The following AFF3 variants were observed in gnomAD, a reference collection of about 807,000 sequenced individuals.
AFF3 encodes ALF transcription elongation factor 3.
AFF3 carries 32 observed loss-of-function variants against 129.7 expected under a neutral mutation model. That is an observed-to-expected ratio of 0.25 (90% CI 0.19 to 0.33). The LOEUF (loss-of-function observed/expected upper bound fraction) is 0.33, where lower values mean the gene tolerates loss of function less well. Ranked by LOEUF, AFF3 falls within the 10% of genes least tolerant of loss-of-function variation. The probability of loss-of-function intolerance (pLI) is 1.00; values close to 1 mark genes in which losing one functional copy is unlikely to be tolerated. For missense variants in AFF3, 1,373 were observed against 1,592.0 expected (o/e 0.86, Z 2.34); for synonymous variants, 644 against 635.4 (o/e 1.01, Z -0.20).
intron 2 of AFF3, among the ~76,000 whole-genome samples, chr2:100,108,095 C>T (rs1048657972): frequency 1.3e-5 from 2 of 152,224 alleles, no homozygotes; most frequent in African/African-American, 4.8e-5. Flanking sequence ...AAGGACACTA[C>T]TCTCTCCTGT....
intron 7 of AFF3, among the ~76,000 whole-genome samples, chr2:99,861,903 T>A (rs1334262710): frequency 1.3e-5 from 2 of 152,184 alleles, no homozygotes; most frequent in Admixed American, 6.5e-5. Context: ...TAAAGAAACT[T>A]TGCAAGTTGC....
chr2:99,986,793 G>A (rs1471742766), intron 7 of AFF3, among the ~76,000 whole-genome samples: 1 of 152,148 alleles, frequency 6.6e-6, no homozygotes, highest in Non-Finnish European at 1.5e-5. Flanking sequence ...CATTTCAGTA[G>A]GGTTGACTGG....
chr2:99,670,027 G>A (rs1455018754), intron 12 of AFF3, among the ~76,000 whole-genome samples: 3 of 152,164 alleles, frequency 2.0e-5, no homozygotes, highest in Admixed American at 6.5e-5. Flanking sequence ...TGGCAGCTTG[G>A]GGATCTAGCA....
At chr2:100,005,752 T>C (rs1681915204) in intron 7 of AFF3, among the ~76,000 whole-genome samples, 1 of 152,168 alleles carries the variant, frequency 6.6e-6, no homozygotes, top group Non-Finnish European at 1.5e-5. Context: ...TGGTGATCTC[T>C]GAGATGATAG....
At chr2:99,981,604 C>T (rs1037932715) in intron 7 of AFF3, among the ~76,000 whole-genome samples, 2 of 151,988 alleles carry the variant, frequency 1.3e-5, no homozygotes, top group African/African-American at 4.8e-5. Flanking sequence ...ATTTGCATGT[C>T]TTCATATTCA....
chr2:99,917,634 T>C (rs545333637), intron 7 of AFF3, among the ~76,000 whole-genome samples: 2 of 152,298 alleles, frequency 1.3e-5, no homozygotes, highest in Non-Finnish European at 2.9e-5. Context: ...GATGATGTAA[T>C]AGATTACTGA....
At chr2:99,977,112 T>C (rs1049454211) in intron 7 of AFF3, among the ~76,000 whole-genome samples, 2 of 152,220 alleles carry the variant, frequency 1.3e-5, no homozygotes, top group Admixed American at 6.5e-5. Flanking sequence ...AAAAATAGGA[T>C]AGATCCTTAA....
chr2:99,672,063 C>T (rs762960026), intron 12 of AFF3, among the ~76,000 whole-genome samples: 1 of 152,052 alleles, frequency 6.6e-6, no homozygotes, highest in Non-Finnish European at 1.5e-5. Context: ...TTTGCTCCTT[C>T]TCAATGTTAA....
intron 8 of AFF3, among the ~76,000 whole-genome samples, chr2:99,755,930 C>A (rs1682061107): frequency 6.6e-6 from 1 of 152,214 alleles, no homozygotes; most frequent in Admixed American, 6.5e-5. Context: ...AAATCTGGAT[C>A]AAGCCCTCAT....
At chr2:99,646,663 C>T (rs912291211) in intron 13 of AFF3, among the ~76,000 whole-genome samples, 2 of 152,170 alleles carry the variant, frequency 1.3e-5, no homozygotes, top group African/African-American at 4.8e-5. Context: ...CCCTGAGGTT[C>T]CTCTGGCAGC....
intron 9 of AFF3, among the ~76,000 whole-genome samples, chr2:99,745,646 T>A (rs753338745): frequency 6.6e-6 from 1 of 152,302 alleles, no homozygotes; most frequent in Non-Finnish European, 1.5e-5. Context: ...ATCCCACCAG[T>A]AACACTCTAT....
intron 1 of AFF3, among the ~76,000 whole-genome samples, chr2:100,134,745 T>C (rs1692562282): frequency 6.6e-6 from 1 of 152,246 alleles, no homozygotes; most frequent in African/African-American, 2.4e-5. Flanking sequence ...TATCATTTAC[T>C]GAAAAGTTAT....
At chr2:99,663,344 A>C (rs1686407128) in intron 12 of AFF3, among the ~76,000 whole-genome samples, 1 of 152,258 alleles carries the variant, frequency 6.6e-6, no homozygotes, top group Non-Finnish European at 1.5e-5. Flanking sequence ...AAACAGCAAT[A>C]AGAACTGCAA....
At chr2:99,941,658 C>T (rs1440385234) in intron 7 of AFF3, among the ~76,000 whole-genome samples, 4 of 152,206 alleles carry the variant, frequency 2.6e-5, no homozygotes, top group African/African-American at 9.6e-5. Context: ...GGGCTTCTTA[C>T]AAAGCTTCCT....
At chr2:99,981,623 C>T (rs1489312688) in intron 7 of AFF3, among the ~76,000 whole-genome samples, 1 of 152,146 alleles carries the variant, frequency 6.6e-6, no homozygotes, top group African/African-American at 2.4e-5. Context: ...CATTTTCCTA[C>T]ATGTTTTTGA....
At chr2:99,761,829 CA>C (rs565348463) in intron 8 of AFF3, among the ~76,000 whole-genome samples, 45 of 152,286 alleles carry the variant, frequency 3.0e-4, no homozygotes, top group African/African-American at 9.9e-4. Flanking sequence ...ACCTTTGTTC[CA>C]AAGTTTCCAG....
chr2:99,679,492 C>T (rs1452657135), intron 11 of AFF3, among the ~76,000 whole-genome samples: 1 of 152,126 alleles, frequency 6.6e-6, no homozygotes, highest in African/African-American at 2.4e-5. Flanking sequence ...AAAAGCCAGT[C>T]TCATTTGGGA....
Position 99,700,165 on chromosome 2 carries a change from G to C in AFF3, c.1091+26912C>G, listed in dbSNP as rs181419906. 2.2e-3 allele frequency among the ~76,000 whole-genome samples: 340 copies of C among 151,954 alleles called. 5 individuals carry two copies. In the East Asian group the frequency reaches 0.043, roughly 19 times the overall value. On this transcript the variant is annotated intron_variant, in intron 11 of 24. Coordinates refer to ENST00000672756, the MANE Select transcript of AFF3 (RefSeq NM_001386135.1). ...AGACGAAGTCTCGCTCTGTCGCCCA[G>C]GCTGGAGTGCAGTGGTGCGATCTCA...
At chr2:99,924,328 CTTCAAGGTTCCACTTGTCCATCAGCTCCT>C (rs374178940) in intron 7 of AFF3, among the ~76,000 whole-genome samples, 3 of 152,308 alleles carry the variant, frequency 2.0e-5, no homozygotes, top group African/African-American at 7.2e-5. Context: ...CTTAAATATC[CTTCAAGGTTCCACTTGTCCATCAGCTCCT>C]TTGAGCTGTT....
Sources: gnomAD v4.1 joint callset for allele counts (sites outside exome capture counted in the v4.1 genomes callset) on GRCh38, gnomAD v4.1.1 for gene constraint, MANE v1.5 for transcripts, NCBI Gene and HGNC (gene_info 2026-07-23, HGNC 2026-07-21) for gene names.